Variants in PDE4B observed in about 807,000 individuals in gnomAD.
PDE4B encodes phosphodiesterase 4B.
In PDE4B, 20 loss-of-function variants were observed where a neutral mutation model predicts 82.2. That is an observed-to-expected ratio of 0.24 (90% CI 0.17 to 0.35). The LOEUF is 0.35. Ranked by LOEUF, PDE4B falls within the 10% of genes least tolerant of loss-of-function variation. The probability of loss-of-function intolerance (pLI) is 1.00; values close to 1 mark genes in which losing one functional copy is unlikely to be tolerated. For missense variants in PDE4B, 655 were observed against 907.2 expected, an observed-to-expected ratio of 0.72 and a Z score of 3.57; for synonymous variants, 320 against 318.9, an observed-to-expected ratio of 1.00 and a Z score of -0.04.
At chr1:66,277,014 C>T (rs1195885362) in intron 7 of PDE4B, among the ~76,000 whole-genome samples, 1 of 152,172 alleles carries the variant, frequency 6.6e-6, no homozygotes, top group East Asian at 1.9e-4. Context: ...TCATTATCAT[C>T]ATTATCATTA....
chr1:66,187,062 A>G (rs1647253136), intron 3 of PDE4B, among the ~76,000 whole-genome samples: 1 of 152,194 alleles, frequency 6.6e-6, no homozygotes, highest in South Asian at 2.1e-4. Flanking sequence ...AATTTTGTCA[A>G]AGGCCTTTTC....
rs950085740 is a variant in PDE4B, at chr1:66,362,240, T to C, written c.1020+447T>C. Among the ~76,000 whole-genome samples the C allele has an allele frequency of 3.9e-5, 6 of 152,180 alleles. No individual in the cohort carries two copies. The South Asian group carries it at 8.3e-4, about 21-fold the overall frequency. On this transcript the variant is annotated intron_variant, in intron 10 of 16. Coordinates refer to ENST00000341517, the MANE Select transcript of PDE4B (RefSeq NM_002600.4). The stretch of plus-strand genomic sequence containing the variant: ...CCCAGAGGACATTTCAGGGACTGTA[T>C]GCCAAGGACCAATGGGAAAATCTGC...
Position 66,039,281 on chromosome 1 carries a change from T to C in PDE4B, c.281+120446T>C, listed in dbSNP as rs148856309. 6.6e-5 allele frequency among the ~76,000 whole-genome samples: 10 copies of C among 152,258 alleles called. No homozygotes were observed. The East Asian group carries it at 1.9e-3, about 29-fold the overall frequency. On this transcript the variant is annotated intron_variant, in intron 3 of 16. Coordinates refer to ENST00000341517, the MANE Select transcript of PDE4B (RefSeq NM_002600.4). ...ATTTTCCACAGGTAGCCTGTCTTGTTGCTTTTCTTCTTAGTGTATCTTTAA... is the reference window on the plus strand; with the variant it reads ...ATTTTCCACAGGTAGCCTGTCTTGTCGCTTTTCTTCTTAGTGTATCTTTAA...
At chr1:66,200,605 G>A (rs1309416343) in intron 3 of PDE4B, among the ~76,000 whole-genome samples, 3 of 152,000 alleles carry the variant, frequency 2.0e-5, no homozygotes, top group African/African-American at 2.4e-5. Flanking sequence ...TCTCTTTGAA[G>A]CAATTGTGAA....
At chr1:66,098,318 C>T (rs1473254221) in intron 3 of PDE4B, among the ~76,000 whole-genome samples, 1 of 152,124 alleles carries the variant, frequency 6.6e-6, no homozygotes, top group East Asian at 1.9e-4. Flanking sequence ...GAACAAATGC[C>T]AGTCTCTGTC....
intron 9 of PDE4B, among the ~76,000 whole-genome samples, chr1:66,358,511 C>G (rs1419874268): frequency 6.6e-6 from 1 of 151,926 alleles, no homozygotes; most frequent in Non-Finnish European, 1.5e-5. Context: ...CCTGTCTCTA[C>G]TAAAAATACA....
At chr1:66,122,326 T>A (rs61143952) in intron 3 of PDE4B, among the ~76,000 whole-genome samples, 3,111 of 152,360 alleles carry the variant, frequency 0.02, 108 homozygotes, top group African/African-American at 0.072. Flanking sequence ...TTATATCTGC[T>A]GATTTTTTTC....
intron 7 of PDE4B, among the ~76,000 whole-genome samples, chr1:66,325,835 C>T (rs1659713148): frequency 6.6e-6 from 1 of 152,134 alleles, no homozygotes; most frequent in African/African-American, 2.4e-5. Flanking sequence ...TGACACGTGC[C>T]GGATGCTGTA....
Position 66,363,590 on chromosome 1 carries a change from T to G in PDE4B, c.1284+19T>G, listed in dbSNP as rs1372347385. On this transcript the variant is annotated intron_variant, in intron 12 of 16. Coordinates refer to ENST00000341517, the MANE Select transcript of PDE4B (RefSeq NM_002600.4). ...ATTAGACGTGAGTAATTATGACCTG[T>G]TTTGCATTCCTGCCCATCCTCCTTC... The G allele has an allele frequency of 1.9e-6, 3 of 1,595,514 alleles. No homozygotes were observed. The highest frequency in any genetic ancestry group is 2.6e-6 in the Non-Finnish European group (3 of 1,168,180).
At chr1:66,002,012 C>T (rs1425538894) in intron 3 of PDE4B, among the ~76,000 whole-genome samples, 2 of 152,152 alleles carry the variant, frequency 1.3e-5, no homozygotes, top group African/African-American at 4.8e-5. Flanking sequence ...CATGAGCCAC[C>T]GTGCCTGGCC....
chr1:66,101,766 C>T (rs996451748), intron 3 of PDE4B, among the ~76,000 whole-genome samples: 3 of 151,988 alleles, frequency 2.0e-5, no homozygotes, highest in African/African-American at 7.2e-5. Flanking sequence ...CAAAAATTTT[C>T]TCCCATTCTG....
At chr1:66,021,657 T>C (rs1434633733) in intron 3 of PDE4B, among the ~76,000 whole-genome samples, 2 of 152,202 alleles carry the variant, frequency 1.3e-5, no homozygotes, top group African/African-American at 4.8e-5. Context: ...CTCTGTTCTG[T>C]TCCATTGATC....
intron 3 of PDE4B, among the ~76,000 whole-genome samples, chr1:66,230,031 C>T (rs777435758): frequency 6.6e-6 from 1 of 152,136 alleles, no homozygotes; most frequent in African/African-American, 2.4e-5. Flanking sequence ...ATATAGGACT[C>T]CTGGAGTCAC....
At chr1:65,934,880 C>T (rs1648039518) in intron 3 of PDE4B, among the ~76,000 whole-genome samples, 2 of 152,088 alleles carry the variant, frequency 1.3e-5, no homozygotes, top group South Asian at 2.1e-4. Flanking sequence ...AAAATCGACA[C>T]ACCTAAAGAA....
intron 3 of PDE4B, among the ~76,000 whole-genome samples, chr1:65,933,702 C>T (rs897533178): frequency 9.2e-5 from 14 of 151,864 alleles, no homozygotes; most frequent in African/African-American, 3.4e-4. Flanking sequence ...TGATCAGCGC[C>T]ATACTTGTCT....
chr1:65,803,830 C>T (rs776825889), intron 1 of PDE4B, among the ~76,000 whole-genome samples: 19 of 152,132 alleles, frequency 1.2e-4, no homozygotes, highest in African/African-American at 2.9e-4. Flanking sequence ...GCCCTTTGGA[C>T]GCCAGCTTTT....
In PDE4B at chr1:65,874,439, A is replaced by C. The variant is rs566264268; in HGVS notation, c.-70-38806A>C. On this transcript the variant is annotated intron_variant, in intron 1 of 16. Transcript: ENST00000341517. ...TCTCCTGCCTAATTGCCCTGGCCAG[A>C]ACTTCCAACACTATGTTGAATAGGA... 9.0e-3 allele frequency among the ~76,000 whole-genome samples: 1,370 copies of C among 152,292 alleles called. 22 individuals are homozygous for C. The highest frequency in any genetic ancestry group is 0.03 in the African/African-American group (1,267 of 41,552).
In PDE4B at chr1:66,319,048, T is replaced by G. The variant is rs548556956; in HGVS notation, c.635-13460T>G. Among the ~76,000 whole-genome samples the G allele has an allele frequency of 3.6e-4, 55 of 152,354 alleles. 1 individual carries two copies. In the South Asian group the frequency reaches 0.011, roughly 30 times the overall value. ...AGTAAACTTGAAAGCGCATGTCAAC[T>G]GGTAAAGACTGTATATAACAGGTTT... On this transcript the variant is annotated intron_variant, in intron 7 of 16. Transcript: ENST00000341517.
At chr1:65,999,218 C>T (rs1306083376) in intron 3 of PDE4B, among the ~76,000 whole-genome samples, 1 of 152,166 alleles carries the variant, frequency 6.6e-6, no homozygotes, top group Non-Finnish European at 1.5e-5. Context: ...TGTTATCTCT[C>T]AGTTTTTCTC....
Sources: allele counts gnomAD v4.1 joint callset (sites outside exome capture counted in the v4.1 genomes callset), GRCh38; gene constraint gnomAD v4.1.1; transcripts MANE v1.5; gene names NCBI Gene and HGNC (gene_info 2026-07-23, HGNC 2026-07-21).